Variants in LTBP1 observed in about 807,000 individuals in gnomAD.
LTBP1 encodes the protein latent-transforming growth factor beta-binding protein 1.
LTBP1 carries 129 observed loss-of-function variants against 207.6 expected under a neutral mutation model. The ratio of observed to expected loss-of-function variants is 0.62; its 90% CI spans 0.54 to 0.72. LTBP1 has a LOEUF of 0.72. Among genes scored for constraint, LTBP1 ranks in the 30% least tolerant of loss-of-function variants. The pLI is 0.00. For synonymous variants in LTBP1, 963 were observed against 833.7 expected (o/e 1.16, Z -2.67); for missense variants, 2,281 against 2,217.2 (o/e 1.03, Z -0.58).
intron 2 of LTBP1, among the ~76,000 whole-genome samples, chr2:32,986,509 A>G (rs1285990500): frequency 6.6e-6 from 1 of 152,238 alleles, no homozygotes; most frequent in Non-Finnish European, 1.5e-5. Flanking sequence ...TGATACCGTG[A>G]CCTGAACCGG....
chr2:33,223,279 T>C (rs2091237500), intron 9 of LTBP1, among the ~76,000 whole-genome samples: 1 of 152,244 alleles, frequency 6.6e-6, no homozygotes. Context: ...AGTGCATCTG[T>C]GTAACTTTTA....
At chr2:33,050,359 A>G (rs926102592) in intron 3 of LTBP1, among the ~76,000 whole-genome samples, 3 of 152,106 alleles carry the variant, frequency 2.0e-5, no homozygotes, top group African/African-American at 7.2e-5. Flanking sequence ...TATAGGACCT[A>G]ACAGGTAGAG....
chr2:33,126,384 T>A (rs2081436879), intron 4 of LTBP1, among the ~76,000 whole-genome samples: 1 of 152,166 alleles, frequency 6.6e-6, no homozygotes, highest in African/African-American at 2.4e-5. Flanking sequence ...TAGACAAGAT[T>A]CACAAAAACC....
chr2:33,154,665 T>C (rs964336296), intron 5 of LTBP1, among the ~76,000 whole-genome samples: 1 of 152,198 alleles, frequency 6.6e-6, no homozygotes, highest in African/African-American at 2.4e-5. Context: ...AGTCTTAGTA[T>C]ACATTTGTGA....
chr2:33,379,196 CTTTTTTTTT>C (rs550839552), intron 31 of LTBP1, among the ~76,000 whole-genome samples: 2 of 108,542 alleles, frequency 1.8e-5, no homozygotes, highest in African/African-American at 3.5e-5. Flanking sequence ...TTTGCCATTG[CTTTTTTTTT>C]TTTTTTTTTT....
intron 3 of LTBP1, chr2:33,056,482 G>T: frequency 1.2e-6 from 1 of 820,520 alleles, no homozygotes; most frequent in Non-Finnish European, 1.9e-6. Flanking sequence ...AGGTGATGAG[G>T]GATGATGCGC....
At chr2:33,027,026 G>A (rs774954091) in intron 3 of LTBP1, among the ~76,000 whole-genome samples, 5 of 152,122 alleles carry the variant, frequency 3.3e-5, no homozygotes, top group East Asian at 1.9e-4. Flanking sequence ...TAAATAATAC[G>A]GTGTGTTTTT....
intron 2 of LTBP1, among the ~76,000 whole-genome samples, chr2:32,971,522 A>G (rs1485520806): frequency 6.6e-6 from 1 of 152,194 alleles, no homozygotes; most frequent in Non-Finnish European, 1.5e-5. Flanking sequence ...ATTGTTATCA[A>G]AAGCCTTTTC....
chr2:33,169,067 G>A (rs1164716392), intron 5 of LTBP1, among the ~76,000 whole-genome samples: 1 of 152,212 alleles, frequency 6.6e-6, no homozygotes, highest in African/African-American at 2.4e-5. Flanking sequence ...GTCGGGCCTT[G>A]CAGATTTTTG....
chr2:33,254,511 T>A (rs535865564), intron 11 of LTBP1, among the ~76,000 whole-genome samples: 1 of 150,492 alleles, frequency 6.6e-6, no homozygotes, highest in Non-Finnish European at 1.5e-5. Context: ...ATGGTGATTT[T>A]CACTAAAAAT....
At chr2:33,192,520 C>T (rs2088013357) in intron 7 of LTBP1, among the ~76,000 whole-genome samples, 1 of 146,084 alleles carries the variant, frequency 6.8e-6, no homozygotes, top group Admixed American at 6.7e-5. Flanking sequence ...TGCCTGGTTT[C>T]TTAAAAAAAA....
chr2:33,292,950 C>G (rs749368748), intron 19 of LTBP1, among the ~76,000 whole-genome samples: 1 of 152,182 alleles, frequency 6.6e-6, no homozygotes, highest in Non-Finnish European at 1.5e-5. Context: ...TTCCGAGTTA[C>G]TTTCAGAAGG....
chr2:33,057,469 G>C, intron 3 of LTBP1, among the ~76,000 whole-genome samples: 1 of 152,238 alleles, frequency 6.6e-6, no homozygotes, highest in Non-Finnish European at 1.5e-5. Flanking sequence ...GGGCGCCGTG[G>C]AGCAGGGGGC....
At chr2:33,379,135 A>G (rs1279036616) in intron 31 of LTBP1, among the ~76,000 whole-genome samples, 1 of 150,410 alleles carries the variant, frequency 6.6e-6, no homozygotes, top group Non-Finnish European at 1.5e-5. Flanking sequence ...TGCTGATTGT[A>G]CACTGCTCAT....
In LTBP1 at chr2:33,363,501, T is replaced by C. The variant is rs1315821751; in HGVS notation, c.4382T>C (p.Val1461Ala). 6.2e-7 allele frequency: 1 copy of C among 1,613,756 alleles called. No homozygotes were observed. ...YCKQGTYYDP[V>A]KLQCFDMDEC... ...AAGCAAGGGACGTACTATGATCCTG[T>C]GAAACTGCAGTGCTTTGGTAAGCTT... The change falls in exon 29 of 34, where the codon GTG (valine) becomes GCG (alanine). Residue 1461 changes from valine (V) to alanine (A), a missense_variant. Val to Ala is a moderately conservative substitution (Grantham distance 64, BLOSUM62 0). Transcript: ENST00000404816.
chr2:33,314,072 A>T (rs2094226542), intron 23 of LTBP1, among the ~76,000 whole-genome samples: 1 of 152,176 alleles, frequency 6.6e-6, no homozygotes, highest in African/African-American at 2.4e-5. Context: ...CGGGGAGCAC[A>T]ATTACACTGA....
At chr2:33,008,430 AT>A (rs1189163189) in intron 2 of LTBP1, among the ~76,000 whole-genome samples, 1 of 152,196 alleles carries the variant, frequency 6.6e-6, no homozygotes, top group African/African-American at 2.4e-5. Flanking sequence ...AATATTATTG[AT>A]TTTTGCCAAA....
At chr2:33,140,755 C>T (rs1354447766) in intron 5 of LTBP1, among the ~76,000 whole-genome samples, 6 of 151,686 alleles carry the variant, frequency 4.0e-5, no homozygotes, top group African/African-American at 1.5e-4. Flanking sequence ...GCAACCTCCG[C>T]CTTCCGGGTT....
At chr2:33,275,953 T>A in intron 18 of LTBP1, 30 bp downstream of exon 18, 4 of 1,543,864 alleles carry the variant, frequency 2.6e-6, no homozygotes, top group Non-Finnish European at 3.5e-6. Context: ...TCAGCACACA[T>A]GACGGTGATG....
Sources: gnomAD v4.1 joint callset for allele counts (sites outside exome capture counted in the v4.1 genomes callset) on GRCh38, gnomAD v4.1.1 for gene constraint, MANE v1.5 for transcripts, NCBI Gene and HGNC (gene_info 2026-07-23, HGNC 2026-07-21) for gene names.